The following PPFIBP1 variants were observed in gnomAD, a reference collection of about 807,000 sequenced individuals.
PPFIBP1 encodes PPFIB scaffold protein 1, also known as liprin-beta-1.
Under a neutral mutation model 137.8 loss-of-function variants are expected in PPFIBP1, and 112 were observed. That is an observed-to-expected ratio of 0.81 (90% CI 0.70 to 0.95). The LOEUF is 0.95. Among genes scored for constraint, PPFIBP1 ranks in the 40% least tolerant of loss-of-function variants. The pLI, the probability that PPFIBP1 is intolerant of heterozygous loss-of-function variation, is 0.00. For missense variants in PPFIBP1, 1,083 were observed against 1,196.6 expected, an observed-to-expected ratio of 0.91 and a Z score of 1.40; for synonymous variants, 378 against 417.3, an observed-to-expected ratio of 0.91 and a Z score of 1.15.
At chr12:27,629,694 A>AT (rs1470414994) in intron 2 of PPFIBP1, among the ~76,000 whole-genome samples, 1 of 152,140 alleles carries the variant, frequency 6.6e-6, no homozygotes, top group Non-Finnish European at 1.5e-5. Flanking sequence ...AGACCAGGGG[A>AT]TTTTCTAAAG....
At chr12:27,655,906 T>G (rs578185897) in intron 8 of PPFIBP1, among the ~76,000 whole-genome samples, 12 of 152,382 alleles carry the variant, frequency 7.9e-5, no homozygotes, top group African/African-American at 2.9e-4. Context: ...CAGCAAAATT[T>G]GTTTGCTAAA....
intron 2 of PPFIBP1, among the ~76,000 whole-genome samples, chr12:27,627,604 C>A (rs1334635356): frequency 6.6e-6 from 1 of 152,250 alleles, no homozygotes; most frequent in South Asian, 2.1e-4. Flanking sequence ...TTCTTATGGC[C>A]TTTCTTTTCT....
chr12:27,525,264 G>C (rs992261455), intron 1 of PPFIBP1, among the ~76,000 whole-genome samples: 13 of 152,164 alleles, frequency 8.5e-5, no homozygotes, highest in African/African-American at 3.1e-4. Context: ...TGATTTCAAA[G>C]TCCAAGTTTG....
At chr12:27,630,995 A>G (rs1442691105) in intron 2 of PPFIBP1, among the ~76,000 whole-genome samples, 1 of 152,214 alleles carries the variant, frequency 6.6e-6, no homozygotes, top group Non-Finnish European at 1.5e-5. Context: ...GTAGGAGCCC[A>G]GGAATTCAAG....
chr12:27,572,334 CAT>C (rs1483091255), intron 1 of PPFIBP1, among the ~76,000 whole-genome samples: 2 of 152,202 alleles, frequency 1.3e-5, no homozygotes, highest in African/African-American at 4.8e-5. Flanking sequence ...TATTACTCTA[CAT>C]ATGTTTACTT....
At chr12:27,598,550 GTGTGTGTGTGTGT>G (rs1325656224) in intron 2 of PPFIBP1, among the ~76,000 whole-genome samples, 6 of 7,326 alleles carry the variant, frequency 8.2e-4, no homozygotes, top group Admixed American at 6.4e-3. Flanking sequence ...GTGTGTGTGT[GTGTGTGTGTGTGT>G]GTGTGTGTGT....
At position 27,681,624 on chromosome 12, in the gene PPFIBP1, C is replaced by T. The variant is rs1229441381; in HGVS notation, c.1974C>T (p.Tyr658=). The change falls in exon 22 of 30, where the codon TAC becomes TAT. Residue 658 remains tyrosine, a synonymous_variant. Coordinates refer to ENST00000228425, the MANE Select transcript of PPFIBP1 (RefSeq NM_003622.4). ...TGATGGAACAGGGCTTGGGCTCGTA[C>T]CTGAATTCTGGCAAGCACTGGATTG... ...NWLMEQGLGS[Y]LNSGKHWIAS... is the part of the protein sequence containing the mutation. 3 of 1,614,020 alleles carry T rather than the reference C, an allele frequency of 1.9e-6. No homozygotes were observed. Among genetic ancestry groups the T allele is most frequent in the African/African-American group, 2.7e-5 (2 of 74,910 alleles).
intron 10 of PPFIBP1, 108 bp downstream of exon 10, chr12:27,658,956 G>A: frequency 1.8e-6 from 2 of 1,127,558 alleles, no homozygotes; most frequent in Non-Finnish European, 2.6e-6. Flanking sequence ...ATGTAAAGTT[G>A]CTTCATCAAT....
At chr12:27,656,940 T>C (rs1451072130) in intron 9 of PPFIBP1, 3 of 443,138 alleles carry the variant, frequency 6.8e-6, no homozygotes, top group Non-Finnish European at 1.2e-5. Context: ...AAAAGGGGAA[T>C]TCTGTACTTT....
chr12:27,672,298 AGGACATTTAAAAAAAT>A, intron 14 of PPFIBP1, 113 bp from the exon 15 acceptor site: 1 of 709,630 alleles, frequency 1.4e-6, no homozygotes, highest in Middle Eastern at 3.5e-4. Context: ...CAAATAAAAT[AGGACATTTAAAAAAAT>A]AGAAATAGCT....
chr12:27,584,824 C>CAT (rs2051536893), intron 2 of PPFIBP1, among the ~76,000 whole-genome samples: 1 of 152,178 alleles, frequency 6.6e-6, no homozygotes, highest in South Asian at 2.1e-4. Context: ...CACGTATCCC[C>CAT]ATGTCCTTGG....
intron 8 of PPFIBP1, chr12:27,655,365 C>A: frequency 3.2e-6 from 2 of 628,738 alleles, no homozygotes; most frequent in Admixed American, 2.6e-5. Flanking sequence ...TACAAATCAC[C>A]TCAAGCTGAT....
At chr12:27,577,796 A>C (rs1438128788) in intron 1 of PPFIBP1, among the ~76,000 whole-genome samples, 1 of 152,194 alleles carries the variant, frequency 6.6e-6, no homozygotes, top group South Asian at 2.1e-4. Context: ...ACCGTGGTTC[A>C]TTCATTTACT....
chr12:27,593,129 C>CAAAAA (rs33939858), intron 2 of PPFIBP1, among the ~76,000 whole-genome samples: 15,428 of 100,046 alleles, frequency 0.15, 1,210 homozygotes, highest in African/African-American at 0.19. Flanking sequence ...AAGAATGTCT[C>CAAAAA]AAAAAAAAAA....
chr12:27,667,111 G>T (rs2059905965), intron 12 of PPFIBP1, 55 bp from the exon 13 acceptor site: 1 of 1,426,552 alleles, frequency 7.0e-7, no homozygotes, highest in Non-Finnish European at 9.3e-7. Flanking sequence ...TCTTGTAAAA[G>T]TGAAATATAA....
At chr12:27,613,798 G>C (rs2055430102) in intron 2 of PPFIBP1, among the ~76,000 whole-genome samples, 2 of 152,002 alleles carry the variant, frequency 1.3e-5, no homozygotes, top group South Asian at 4.2e-4. Context: ...TGTCAGTCCT[G>C]TGAGCTAGCT....
chr12:27,559,891 A>G (rs1241973491), intron 1 of PPFIBP1, among the ~76,000 whole-genome samples: 1 of 152,234 alleles, frequency 6.6e-6, no homozygotes, highest in African/African-American at 2.4e-5. Flanking sequence ...GAGAGGACAT[A>G]TAGGCTAGGA....
chr12:27,551,256 G>A (rs1388044119), intron 1 of PPFIBP1, among the ~76,000 whole-genome samples: 2 of 152,062 alleles, frequency 1.3e-5, no homozygotes, highest in African/African-American at 2.4e-5. Flanking sequence ...CAGCCTTGTG[G>A]GGGTCTGCAG....
chr12:27,595,176 T>C (rs888020596), intron 2 of PPFIBP1, among the ~76,000 whole-genome samples: 4 of 152,244 alleles, frequency 2.6e-5, no homozygotes, highest in African/African-American at 9.6e-5. Flanking sequence ...ATGACACTTT[T>C]TAGTCCAGCT....
Sources: gnomAD v4.1 joint callset for allele counts (sites outside exome capture counted in the v4.1 genomes callset) on GRCh38, gnomAD v4.1.1 for gene constraint, MANE v1.5 for transcripts, NCBI Gene and HGNC (gene_info 2026-07-23, HGNC 2026-07-21) for gene names.